The following SUPT3H variants were observed in gnomAD, a reference collection of about 807,000 sequenced individuals.
The protein encoded by SUPT3H is transcription initiation protein SPT3 homolog.
SUPT3H carries 44 observed loss-of-function variants against 44.3 expected under a neutral mutation model. The ratio of observed to expected loss-of-function variants is 0.99; its 90% confidence interval spans 0.78 to 1.28. The LOEUF is 1.28. Among genes scored for constraint, SUPT3H ranks in the 50% most tolerant of loss-of-function variants. SUPT3H has a pLI of 0.00. For synonymous variants in SUPT3H, 124 were observed against 125.6 expected, an observed-to-expected ratio of 0.99 and a Z score of 0.09; for missense variants, 380 against 387.1, an observed-to-expected ratio of 0.98 and a Z score of 0.15.
At chr6:44,890,776 A>ATAATAAT (rs1561976670) in intron 10 of SUPT3H, among the ~76,000 whole-genome samples, 45 of 142,050 alleles carry the variant, frequency 3.2e-4, no homozygotes, top group African/African-American at 1.1e-3. Context: ...ATAATAAAAA[A>ATAATAAT]AAAAGAAAAT....
intron 10 of SUPT3H, among the ~76,000 whole-genome samples, chr6:44,923,358 A>G (rs1242641390): frequency 6.6e-6 from 1 of 152,070 alleles, no homozygotes; most frequent in Non-Finnish European, 1.5e-5. Flanking sequence ...TAGGGTCTCC[A>G]TAGATGTTTG....
intron 2 of SUPT3H, among the ~76,000 whole-genome samples, chr6:45,153,839 G>T (rs1377862225): frequency 6.6e-6 from 1 of 151,754 alleles, no homozygotes; most frequent in Non-Finnish European, 1.5e-5. Flanking sequence ...AGGCTGAGGC[G>T]GGTGGATCAG....
intron 10 of SUPT3H, among the ~76,000 whole-genome samples, chr6:44,855,395 C>A (rs1022272072): frequency 6.6e-6 from 1 of 152,096 alleles, no homozygotes; most frequent in Admixed American, 6.6e-5. Flanking sequence ...GAAACGAATA[C>A]AAACTAATGC....
chr6:45,021,046 C>A (rs1427262669), intron 3 of SUPT3H, among the ~76,000 whole-genome samples: 2 of 151,674 alleles, frequency 1.3e-5, no homozygotes, highest in Admixed American at 1.3e-4. Context: ...TGAAATAGGC[C>A]CATTCAGAAC....
intron 2 of SUPT3H, among the ~76,000 whole-genome samples, chr6:45,258,651 C>A (rs981051789): frequency 1.3e-5 from 2 of 152,070 alleles, no homozygotes; most frequent in Non-Finnish European, 2.9e-5. Flanking sequence ...AAGGAAGCAA[C>A]CATTTCAAAA....
At position 44,925,124 on chromosome 6, in the gene SUPT3H, T is replaced by A. The variant is rs145915960; in HGVS notation, c.912+7529A>T. Among the ~76,000 whole-genome samples the A allele has an allele frequency of 6.5e-3, 991 of 152,290 alleles. 13 individuals carry two copies. Among genetic ancestry groups the A allele is most frequent in the African/African-American group, 0.023 (936 of 41,562 alleles). On this transcript the variant is annotated intron_variant, in intron 10 of 10. Coordinates refer to ENST00000371459, the MANE Select transcript of SUPT3H (RefSeq NM_003599.4). Reference sequence around the variant, plus strand: ...GATCCCTATTAGTCCATTATGAACATCCCTAAACTAATGATATGAAAACAT... The same window carrying A: ...GATCCCTATTAGTCCATTATGAACAACCCTAAACTAATGATATGAAAACAT...
At chr6:45,178,256 A>G in intron 2 of SUPT3H, among the ~76,000 whole-genome samples, 1 of 152,192 alleles carries the variant, frequency 6.6e-6, no homozygotes, top group Non-Finnish European at 1.5e-5. Flanking sequence ...AAAAAAAGGC[A>G]GGGGTTGCAA....
chr6:45,322,530 T>C (rs892398617), intron 2 of SUPT3H, among the ~76,000 whole-genome samples: 1 of 152,000 alleles, frequency 6.6e-6, no homozygotes, highest in African/African-American at 2.4e-5. Context: ...GTCAAATATA[T>C]AAAAACAAAA....
chr6:45,156,758 T>C (rs949350026), intron 2 of SUPT3H, among the ~76,000 whole-genome samples: 1 of 151,762 alleles, frequency 6.6e-6, no homozygotes, highest in Admixed American at 6.6e-5. Context: ...AATATATATA[T>C]ATATTTTAGA....
Position 45,042,550 on chromosome 6 carries a change from AGTT to A in SUPT3H, c.187-21921_187-21919del, listed in dbSNP as rs1291350316. Among the ~76,000 whole-genome samples the A allele has an allele frequency of 6.6e-5, 10 of 152,308 alleles. 1 individual carries two copies. The highest frequency in any genetic ancestry group is 1.3e-4 in the Admixed American group (2 of 15,290). On this transcript the variant is annotated intron_variant, in intron 3 of 10. Transcript: ENST00000371459. ...ATATTTGGTATCATAAGGGAAAATT[AGTT>A]GTTGTTTTTTTTAATTATACTTTAA...
intron 2 of SUPT3H, among the ~76,000 whole-genome samples, chr6:45,243,380 T>G (rs565167437): frequency 4.0e-5 from 6 of 151,550 alleles, no homozygotes; most frequent in African/African-American, 1.5e-4. Flanking sequence ...TGAAAAGAAA[T>G]AATAAAAATT....
intron 10 of SUPT3H, among the ~76,000 whole-genome samples, chr6:44,890,896 A>C (rs996955382): frequency 1.3e-5 from 2 of 151,826 alleles, no homozygotes; most frequent in Non-Finnish European, 2.9e-5. Flanking sequence ...ACACAGGAAC[A>C]GAAAACCAAA....
intron 2 of SUPT3H, among the ~76,000 whole-genome samples, chr6:45,140,903 G>A (rs753512703): frequency 4.6e-5 from 7 of 152,192 alleles, no homozygotes; most frequent in Non-Finnish European, 7.3e-5. Flanking sequence ...AATGTGAACA[G>A]CACGCCTTGA....
chr6:45,219,910 G>A (rs987938123), intron 2 of SUPT3H, among the ~76,000 whole-genome samples: 14 of 151,440 alleles, frequency 9.2e-5, no homozygotes, highest in Non-Finnish European at 1.9e-4. Flanking sequence ...GTGGTGGCAC[G>A]TGCCCGTAGT....
intron 3 of SUPT3H, among the ~76,000 whole-genome samples, chr6:45,042,483 G>T (rs74854791): frequency 0.019 from 2,957 of 152,224 alleles, 56 homozygotes; most frequent in South Asian, 0.086. Flanking sequence ...CCTAGAACAT[G>T]ATATGGTTGC....
At chr6:44,936,711 G>C (rs917357295) in intron 9 of SUPT3H, among the ~76,000 whole-genome samples, 1 of 151,982 alleles carries the variant, frequency 6.6e-6, no homozygotes, top group Admixed American at 6.6e-5. Flanking sequence ...TCTGTCCCCC[G>C]GGCTGGAGTA....
At chr6:44,954,458 G>T (rs765954349) in intron 8 of SUPT3H, 37 bp downstream of exon 8, 3 of 1,460,064 alleles carry the variant, frequency 2.1e-6, no homozygotes, top group Non-Finnish European at 2.9e-6. Flanking sequence ...AGAAAAACCA[G>T]CCAGTGTGGC....
At chr6:45,231,745 C>T (rs1341209296) in intron 2 of SUPT3H, among the ~76,000 whole-genome samples, 1 of 152,180 alleles carries the variant, frequency 6.6e-6, no homozygotes, top group Non-Finnish European at 1.5e-5. Flanking sequence ...CATTTGATCA[C>T]TATGTGGTGT....
intron 2 of SUPT3H, among the ~76,000 whole-genome samples, chr6:45,193,703 C>CA (rs1177699319): frequency 2.6e-5 from 4 of 151,964 alleles, no homozygotes; most frequent in Non-Finnish European, 5.9e-5. Flanking sequence ...GCAACAAGAG[C>CA]AAAACTCCAT....
Sources: allele counts gnomAD v4.1 joint callset (sites outside exome capture counted in the v4.1 genomes callset), GRCh38; gene constraint gnomAD v4.1.1; transcripts MANE v1.5; gene names NCBI Gene and HGNC (gene_info 2026-07-23, HGNC 2026-07-21).